Variants in CDC73 observed in about 807,000 individuals in gnomAD.
CDC73 encodes the protein parafibromin.
Under a neutral mutation model 83.7 loss-of-function variants are expected in CDC73, and 21 were observed. The ratio of observed to expected loss-of-function variants is 0.25; its 90% CI spans 0.18 to 0.36. The LOEUF is 0.36. Among genes scored for constraint, CDC73 ranks in the 10% least tolerant of loss-of-function variants. The pLI, the probability that CDC73 is intolerant of heterozygous loss-of-function variation, is 1.00. For synonymous variants in CDC73, 224 were observed against 212.9 expected, an observed-to-expected ratio of 1.05 and a Z score of -0.45; for missense variants, 342 against 653.3, an observed-to-expected ratio of 0.52 and a Z score of 5.19.
chr1:193,137,679 C>G (rs1675824652), intron 5 of CDC73, among the ~76,000 whole-genome samples: 1 of 151,834 alleles, frequency 6.6e-6, no homozygotes, highest in Non-Finnish European at 1.5e-5. Flanking sequence ...GATTCAGGAC[C>G]TGTAGCAACA....
At chr1:193,233,811 T>C (rs896231746) in intron 14 of CDC73, among the ~76,000 whole-genome samples, 2 of 152,194 alleles carry the variant, frequency 1.3e-5, no homozygotes, top group African/African-American at 4.8e-5. Flanking sequence ...TTAACACTTT[T>C]ATTGAATTTA....
In CDC73 at chr1:193,188,067, A is replaced by T. The variant is rs918449336; in HGVS notation, c.973-15728A>T. On this transcript the variant is annotated intron_variant, in intron 10 of 16. Transcript: ENST00000367435. ...TCCAGAAGTACAGATGTGTTTTTGT[A>T]GATCAGTATTTATTTATCAGTGATT... Among the ~76,000 whole-genome samples the T allele has an allele frequency of 2.6e-5, 4 of 152,220 alleles. No individual in the cohort carries two copies. In the East Asian group the frequency reaches 7.7e-4, roughly 29 times the overall value.
Position 193,152,405 on chromosome 1 carries a change from T to C in CDC73, c.933T>C (p.Thr311=), listed in dbSNP as rs1409062093. The C allele has an allele frequency of 3.1e-6, 5 of 1,611,702 alleles. No individual in the cohort carries two copies. In the South Asian group the frequency reaches 5.5e-5, roughly 18 times the overall value. Residue 311 remains threonine (T), a synonymous_variant, in exon 10 of 17, where the codon ACT becomes ACC. Coordinates refer to ENST00000367435, the MANE Select transcript of CDC73 (RefSeq NM_024529.5). ...KEETEGFKID[T]MGTYHGMTLK... is the part of the protein sequence containing the mutation. ...AAACGGAAGGCTTCAAAATTGACAC[T>C]ATGGGAACCTACCATGGTATGACAC...
Position 193,124,268 on chromosome 1 carries a change from A to G in CDC73, c.132-844A>G, listed in dbSNP as rs552947249. 5.9e-5 allele frequency among the ~76,000 whole-genome samples: 9 copies of G among 152,336 alleles called. No homozygotes were observed. The East Asian group carries it at 7.7e-4, about 13-fold the overall frequency. On this transcript the variant is annotated intron_variant, in intron 1 of 16. Coordinates refer to ENST00000367435, the MANE Select transcript of CDC73 (RefSeq NM_024529.5). ...ACACTAAACAATACTTACTCTTCTT[A>G]TTGTATGCAGTGCATTTTATTTTTC...
intron 2 of CDC73, among the ~76,000 whole-genome samples, chr1:193,125,655 T>C (rs560469294): frequency 3.3e-5 from 5 of 151,106 alleles, no homozygotes; most frequent in African/African-American, 1.2e-4. Flanking sequence ...CGGCTTACTG[T>C]ACCCTCTACT....
intron 15 of CDC73, among the ~76,000 whole-genome samples, chr1:193,245,541 T>A (rs752905810): frequency 1.3e-5 from 2 of 152,212 alleles, no homozygotes; most frequent in Non-Finnish European, 2.9e-5. Flanking sequence ...GACCCTTAGG[T>A]TGATTACATA....
Position 193,147,953 on chromosome 1 carries a change from T to G in CDC73, c.816T>G (p.Asn272Lys), listed in dbSNP as rs2103130616. The change falls in exon 8 of 17, where the codon AAT becomes AAG. Residue 272 changes from asparagine (N) to lysine (K), a missense_variant. Asn to Lys is a moderately conservative substitution (Grantham distance 94). This residue lies in a region of CDC73 where 239 missense variants were observed against 420.6 expected (regional missense o/e 0.57). Transcript: ENST00000367435. Reference protein sequence around the residue: ...GRAPEQRPAPNAAPVDPTLRT... With the variant: ...GRAPEQRPAPKAAPVDPTLRT... ...CACCTGAACAGCGACCTGCCCCAAA[T>G]GCAGCACCTGTGGTAAGAATGCTTT... The G allele has an allele frequency of 5.0e-6, 8 of 1,610,676 alleles. No individual in the cohort carries two copies. Among genetic ancestry groups the G allele is most frequent in the Non-Finnish European group, 6.8e-6 (8 of 1,176,852 alleles).
chr1:193,195,070 C>T (rs368256810), intron 10 of CDC73, among the ~76,000 whole-genome samples: 77 of 152,206 alleles, frequency 5.1e-4, no homozygotes, highest in African/African-American at 1.7e-3. Flanking sequence ...GGTATGGAGT[C>T]TAAGAAGTCT....
At chr1:193,134,587 C>T (rs1468405975) in intron 3 of CDC73, among the ~76,000 whole-genome samples, 1 of 152,044 alleles carries the variant, frequency 6.6e-6, no homozygotes, top group Non-Finnish European at 1.5e-5. Context: ...AGGAAAATGG[C>T]GTGAACCCAG....
intron 10 of CDC73, among the ~76,000 whole-genome samples, chr1:193,196,760 G>C (rs777781383): frequency 6.6e-6 from 1 of 152,090 alleles, no homozygotes; most frequent in Non-Finnish European, 1.5e-5. Flanking sequence ...TCTATTGTTA[G>C]TGTATAGAAA....
chr1:193,179,363 C>T (rs1342477666), intron 10 of CDC73: 1 of 152,382 alleles, frequency 6.6e-6, no homozygotes, highest in African/African-American at 2.4e-5. Context: ...GAAACTGCAC[C>T]TGCACTCTTT....
chr1:193,182,982 G>C (rs1417421552), intron 10 of CDC73, among the ~76,000 whole-genome samples: 37 of 151,924 alleles, frequency 2.4e-4, no homozygotes. Context: ...TGAAATTACA[G>C]TGTATGCATA....
chr1:193,131,053 T>C (rs997220537), intron 3 of CDC73, among the ~76,000 whole-genome samples: 2 of 152,184 alleles, frequency 1.3e-5, no homozygotes, highest in Non-Finnish European at 2.9e-5. Flanking sequence ...AGATATCATA[T>C]ATATGCTGAT....
chr1:193,249,981 T>A, intron 16 of CDC73, 110 bp downstream of exon 16: 1 of 983,790 alleles, frequency 1.0e-6, no homozygotes, highest in Non-Finnish European at 1.6e-6. Context: ...TTCCCTTCTT[T>A]CAACATTAAC....
intron 10 of CDC73, chr1:193,179,290 T>G (rs1049410906): frequency 6.6e-6 from 1 of 152,246 alleles, no homozygotes; most frequent in African/African-American, 2.4e-5. Flanking sequence ...ACACCTGCTG[T>G]CAGGAAATAA....
chr1:193,185,899 A>G (rs1676798390), intron 10 of CDC73: 1 of 152,124 alleles, frequency 6.6e-6, no homozygotes, highest in South Asian at 2.1e-4. Flanking sequence ...ATATTAAGAA[A>G]CCTTTTCATA....
intron 13 of CDC73, among the ~76,000 whole-genome samples, chr1:193,214,456 G>A (rs1349030786): frequency 2.6e-5 from 4 of 152,266 alleles, no homozygotes; most frequent in East Asian, 1.9e-4. Context: ...GGTGGCTCAC[G>A]CCTGTGATCA....
intron 10 of CDC73, among the ~76,000 whole-genome samples, chr1:193,169,382 T>G (rs1010546655): frequency 6.6e-6 from 1 of 152,078 alleles, no homozygotes; most frequent in African/African-American, 2.4e-5. Flanking sequence ...CTGTCTCTAC[T>G]AAAAATACAA....
intron 8 of CDC73, among the ~76,000 whole-genome samples, chr1:193,149,087 G>A (rs1438183939): frequency 6.6e-6 from 1 of 152,056 alleles, no homozygotes; most frequent in Non-Finnish European, 1.5e-5. Flanking sequence ...AATACTTTTA[G>A]TTGACTCTCC....
Sources: allele counts gnomAD v4.1 joint callset (sites outside exome capture counted in the v4.1 genomes callset), GRCh38; gene constraint gnomAD v4.1.1; regional missense constraint gnomAD v4.1.1; transcripts MANE v1.5; gene names NCBI Gene and HGNC (gene_info 2026-07-23, HGNC 2026-07-21).